Variants in THSD7A observed in about 807,000 individuals in gnomAD.
The protein encoded by THSD7A is thrombospondin type 1 domain containing 7A, also known as thrombospondin type-1 domain-containing protein 7A.
Under a neutral mutation model 231.3 loss-of-function variants are expected in THSD7A, and 96 were observed. That is an observed-to-expected ratio of 0.41 (90% CI 0.35 to 0.49). The LOEUF is 0.49. Among genes scored for constraint, THSD7A ranks in the 20% least tolerant of loss-of-function variants. The probability of loss-of-function intolerance (pLI) is 0.05; values close to 1 mark genes in which losing one functional copy is unlikely to be tolerated. For synonymous variants in THSD7A, 940 were observed against 743.3 expected, an observed-to-expected ratio of 1.26 and a Z score of -4.30; for missense variants, 2,290 against 2,070.2, an observed-to-expected ratio of 1.11 and a Z score of -2.06.
At chr7:11,587,962 C>T (rs1779983330) in intron 4 of THSD7A, among the ~76,000 whole-genome samples, 1 of 152,128 alleles carries the variant, frequency 6.6e-6, no homozygotes, top group Admixed American at 6.6e-5. Context: ...ATCTAGAGAA[C>T]ACATGGTGTG....
chr7:11,697,523 C>A (rs934153842), intron 1 of THSD7A, among the ~76,000 whole-genome samples: 3 of 150,938 alleles, frequency 2.0e-5, no homozygotes, highest in Admixed American at 1.3e-4. Flanking sequence ...GAATGAGTAT[C>A]AAGACAAATA....
chr7:11,455,906 T>G (rs138513820), intron 11 of THSD7A, among the ~76,000 whole-genome samples: 56 of 152,148 alleles, frequency 3.7e-4, no homozygotes, highest in African/African-American at 1.2e-3. Flanking sequence ...TTCCTCCAAT[T>G]TGAAAAATTA....
At chr7:11,532,084 T>G (rs936163834) in intron 6 of THSD7A, among the ~76,000 whole-genome samples, 1 of 151,920 alleles carries the variant, frequency 6.6e-6, no homozygotes. Flanking sequence ...CCTAGAACAT[T>G]ATCTTGAGAC....
chr7:11,714,539 G>C (rs903233137), intron 1 of THSD7A, among the ~76,000 whole-genome samples: 3 of 151,220 alleles, frequency 2.0e-5, no homozygotes, highest in Non-Finnish European at 4.4e-5. Context: ...GATTTCATAA[G>C]TGAATAAATG....
chr7:11,625,625 A>G (rs1781451540), intron 2 of THSD7A, among the ~76,000 whole-genome samples: 1 of 152,134 alleles, frequency 6.6e-6, no homozygotes, highest in African/African-American at 2.4e-5. Flanking sequence ...AAAAAGAAGA[A>G]AATAAGATAA....
intron 4 of THSD7A, among the ~76,000 whole-genome samples, chr7:11,576,097 G>A (rs1278560146): frequency 6.6e-6 from 1 of 152,176 alleles, no homozygotes; most frequent in African/African-American, 2.4e-5. Flanking sequence ...CCTACTTCAA[G>A]AAATTCACAG....
rs1787503844 is a variant in THSD7A at position 11,505,410 on chromosome 7, C to G, written c.1823-23428G>C. On this transcript the variant is annotated intron_variant, in intron 6 of 27. Coordinates refer to ENST00000423059, the MANE Select transcript of THSD7A (RefSeq NM_015204.3). ...GTACTTAAAAGAACCCTCAGCTACACCTTAGGTTTCCGAAAACTAACACTA... is the reference window on the plus strand; with the variant it reads ...GTACTTAAAAGAACCCTCAGCTACAGCTTAGGTTTCCGAAAACTAACACTA... Among the ~76,000 whole-genome samples the G allele has an allele frequency of 2.6e-5, 4 of 151,308 alleles. No homozygotes were observed. The South Asian group carries it at 8.4e-4, about 32-fold the overall frequency.
intron 1 of THSD7A, among the ~76,000 whole-genome samples, chr7:11,793,678 G>A (rs1784031978): frequency 6.6e-6 from 1 of 151,792 alleles, no homozygotes; most frequent in South Asian, 2.1e-4. Context: ...TAAAAGTCAT[G>A]TGGAAATGGT....
In THSD7A at chr7:11,814,521, T is replaced by C. The variant is rs73300418; in HGVS notation, c.190+17236A>G. ...AGCTCTGAAAACTTTCATCATGATTTGGGAAATCATGACTTTCATGATTCT... is the reference window on the plus strand; with the variant it reads ...AGCTCTGAAAACTTTCATCATGATTCGGGAAATCATGACTTTCATGATTCT... On this transcript the variant is annotated intron_variant, in intron 1 of 27. Transcript: ENST00000423059. This position sits in a 1 kb window ranked among gnomAD's most constrained non-coding sequence, Gnocchi z 5.1. 0.01 allele frequency among the ~76,000 whole-genome samples: 1,588 copies of C among 152,272 alleles called. 25 individuals are homozygous for C. The highest frequency in any genetic ancestry group is 0.036 in the African/African-American group (1,489 of 41,560).
At chr7:11,549,786 G>A (rs1789548245) in intron 4 of THSD7A, among the ~76,000 whole-genome samples, 1 of 152,036 alleles carries the variant, frequency 6.6e-6, no homozygotes, top group Non-Finnish European at 1.5e-5. Flanking sequence ...GTGGTTGGGG[G>A]GAGCATCAGG....
At chr7:11,706,601 T>A (rs1314656532) in intron 1 of THSD7A, among the ~76,000 whole-genome samples, 2 of 146,596 alleles carry the variant, frequency 1.4e-5, no homozygotes, top group African/African-American at 4.9e-5. Context: ...ACTTAGTTTG[T>A]AAAATTGACT....
intron 4 of THSD7A, among the ~76,000 whole-genome samples, chr7:11,567,502 C>G (rs542127256): frequency 2.6e-4 from 40 of 152,162 alleles, no homozygotes; most frequent in Non-Finnish European, 5.3e-4. Flanking sequence ...TCCACTTACT[C>G]CAGGAAGAAA....
At chr7:11,585,967 A>T (rs1779885024) in intron 4 of THSD7A, among the ~76,000 whole-genome samples, 1 of 152,150 alleles carries the variant, frequency 6.6e-6, no homozygotes, top group Non-Finnish European at 1.5e-5. Context: ...ATGTTCATGG[A>T]CAAAACAGCA....
chr7:11,420,197 G>A (rs916089547), intron 16 of THSD7A, among the ~76,000 whole-genome samples: 81 of 152,336 alleles, frequency 5.3e-4, no homozygotes, highest in African/African-American at 1.9e-3. Flanking sequence ...TAGTAGCCAA[G>A]ACATGGGGAA....
rs377617470 is a variant in THSD7A at position 11,379,244 on chromosome 7, C to T, written c.4627G>A (p.Val1543Ile). Residue 1543 changes from valine to isoleucine, a missense_variant, in exon 26 of 28, where the codon GTC (valine) becomes ATC (isoleucine). Transcript: ENST00000423059. ...TCAAGGGTGCTGTTAGAAGACATGA[C>T]TTCAGTGTACCCTTCTTCACAATGG... is the stretch of plus-strand genomic sequence containing the variant. ...TCHCEEGYTE[V>I]MSSNSTLEQC... is the part of the protein sequence containing the mutation. The T allele has an allele frequency of 1.3e-5, 21 of 1,613,510 alleles. No individual in the cohort carries two copies. The highest frequency in any genetic ancestry group is 1.7e-5 in the Non-Finnish European group (20 of 1,179,638).
At chr7:11,698,972 ATTTTT>A (rs58228910) in intron 1 of THSD7A, among the ~76,000 whole-genome samples, 20 of 142,716 alleles carry the variant, frequency 1.4e-4, no homozygotes, top group Non-Finnish European at 1.2e-4. Context: ...AATGTCACTG[ATTTTT>A]TTTTTTTTTT....
chr7:11,507,595 A>C (rs1276804045), intron 6 of THSD7A, among the ~76,000 whole-genome samples: 1 of 135,152 alleles, frequency 7.4e-6, no homozygotes, highest in Non-Finnish European at 1.6e-5. Flanking sequence ...CCATGAAATA[A>C]TGTGTGTTTT....
intron 6 of THSD7A, among the ~76,000 whole-genome samples, chr7:11,506,283 G>A (rs1372937844): frequency 6.6e-6 from 1 of 152,132 alleles, no homozygotes; most frequent in Admixed American, 6.5e-5. Context: ...GAGCCGCGCT[G>A]GGCCTGATGT....
chr7:11,468,311 A>G (rs1192595327), intron 9 of THSD7A, among the ~76,000 whole-genome samples: 1 of 151,976 alleles, frequency 6.6e-6, no homozygotes, highest in Non-Finnish European at 1.5e-5. Context: ...TACCACCTAT[A>G]AGTGCCATCA....
Sources: allele counts gnomAD v4.1 joint callset (sites outside exome capture counted in the v4.1 genomes callset), GRCh38; gene constraint gnomAD v4.1.1; non-coding constraint Gnocchi (gnomAD v3.1); transcripts MANE v1.5; gene names NCBI Gene and HGNC (gene_info 2026-07-23, HGNC 2026-07-21).